Variants in PINX1 observed in about 807,000 individuals in gnomAD.
PINX1 encodes the protein PIN2 (TERF1) interacting telomerase inhibitor 1, also known as PIN2/TERF1-interacting telomerase inhibitor 1.
A neutral mutation model predicts 25.4 loss-of-function variants in PINX1; 34 were observed. The ratio of observed to expected loss-of-function variants is 1.34; its 90% CI spans 1.02 to 1.78. The LOEUF (loss-of-function observed/expected upper bound fraction) is 1.78, where lower values mean the gene tolerates loss of function less well. Among genes scored for constraint, PINX1 ranks in the 40% most tolerant of loss-of-function variants. The pLI, the probability that PINX1 is intolerant of heterozygous loss-of-function variation, is 0.00. For missense variants in PINX1, 592 were observed against 404.9 expected, an observed-to-expected ratio of 1.46 and a Z score of -3.97; for synonymous variants, 197 against 147.7, an observed-to-expected ratio of 1.33 and a Z score of -2.42.
intron 6 of PINX1, among the ~76,000 whole-genome samples, chr8:10,810,403 C>T (rs537843796): frequency 3.9e-5 from 6 of 152,306 alleles, no homozygotes; most frequent in South Asian, 4.1e-4. Flanking sequence ...CAGAGAACTC[C>T]TACCCTTCAG....
intron 6 of PINX1, among the ~76,000 whole-genome samples, chr8:10,812,242 C>T (rs755230599): frequency 6.6e-6 from 1 of 152,172 alleles, no homozygotes; most frequent in Non-Finnish European, 1.5e-5. Flanking sequence ...GTAGATAAAG[C>T]CAAAATTGCT....
chr8:10,772,370 T>C (rs547198847), intron 6 of PINX1, among the ~76,000 whole-genome samples: 2 of 152,364 alleles, frequency 1.3e-5, no homozygotes, highest in South Asian at 2.1e-4. Context: ...CGGCCGTTCG[T>C]TGGAAAGCCT....
intron 6 of PINX1, among the ~76,000 whole-genome samples, chr8:10,801,928 A>T (rs1802275694): frequency 6.6e-6 from 1 of 152,134 alleles, no homozygotes; most frequent in African/African-American, 2.4e-5. Flanking sequence ...GAAAACATGA[A>T]ATGCACAAGC....
At chr8:10,815,267 AG>A (rs1178590381) in intron 6 of PINX1, among the ~76,000 whole-genome samples, 1 of 152,230 alleles carries the variant, frequency 6.6e-6, no homozygotes, top group African/African-American at 2.4e-5. Context: ...AGACGCAAAA[AG>A]GTCAGAGAGA....
Position 10,765,551 on chromosome 8 carries a change from G to A in PINX1, c.837C>T (p.Asp279=), listed in dbSNP as rs764921091. The change falls in exon 7 of 7, where the codon GAC becomes GAT. Residue 279 remains aspartate, a synonymous_variant. Coordinates refer to ENST00000314787, the MANE Select transcript of PINX1 (RefSeq NM_017884.6). ...CCCGGCCCTCAGGCGGCTGCACATGGTCCCCTGCATCCTGAGCAGAGGCCT... is the reference window on the plus strand; with the variant it reads ...CCCGGCCCTCAGGCGGCTGCACATGATCCCCTGCATCCTGAGCAGAGGCCT... ...SSKASAQDAG[D]HVQPPEGRDF... The A allele has an allele frequency of 1.2e-6, 2 of 1,613,702 alleles. No individual in the cohort carries two copies. The highest frequency in any genetic ancestry group is 1.7e-6 in the Non-Finnish European group (2 of 1,179,878).
At chr8:10,783,558 G>A (rs1013386814) in intron 6 of PINX1, among the ~76,000 whole-genome samples, 2 of 152,184 alleles carry the variant, frequency 1.3e-5, no homozygotes, top group Admixed American at 1.3e-4. Flanking sequence ...ATCCAGCGCT[G>A]CATCACATAT....
chr8:10,766,004 C>T, intron 6 of PINX1, 88 bp from the exon 7 acceptor site: 2 of 1,308,342 alleles, frequency 1.5e-6, no homozygotes, highest in Non-Finnish European at 2.1e-6. Flanking sequence ...CCGGCGCTCA[C>T]ACCTGGCACC....
chr8:10,826,328 A>C, intron 4 of PINX1, 84 bp from the exon 5 acceptor site: 1 of 669,902 alleles, frequency 1.5e-6, no homozygotes, highest in Non-Finnish European at 2.5e-6. Context: ...TCTTGAAAGA[A>C]AATTTTAGGA....
intron 5 of PINX1, among the ~76,000 whole-genome samples, chr8:10,823,353 G>A (rs896122560): frequency 6.6e-6 from 1 of 152,140 alleles, no homozygotes; most frequent in Admixed American, 6.5e-5. Flanking sequence ...TACAGTTTAT[G>A]CAACTTTCAT....
intron 1 of PINX1, among the ~76,000 whole-genome samples, chr8:10,839,465 G>A (rs1586220714): frequency 1.3e-5 from 2 of 152,194 alleles, no homozygotes; most frequent in African/African-American, 4.8e-5. Flanking sequence ...GGGACCCGGT[G>A]TTCTGACCCA....
chr8:10,776,788 C>T (rs137992232), intron 6 of PINX1, among the ~76,000 whole-genome samples: 10 of 152,290 alleles, frequency 6.6e-5, no homozygotes, highest in Non-Finnish European at 1.5e-4. Context: ...CTGCTCCCTT[C>T]AGACTACGGC....
chr8:10,804,861 G>A (rs1013083862), intron 6 of PINX1, among the ~76,000 whole-genome samples: 4 of 151,700 alleles, frequency 2.6e-5, no homozygotes, highest in Admixed American at 6.6e-5. Flanking sequence ...CCACAACCCT[G>A]GGTATGGGTT....
chr8:10,804,279 G>T (rs1025060510), intron 6 of PINX1, among the ~76,000 whole-genome samples: 1 of 152,198 alleles, frequency 6.6e-6, no homozygotes, highest in East Asian at 1.9e-4. Flanking sequence ...CCAGAGCCTA[G>T]AACAGTACCT....
At chr8:10,776,748 C>G (rs1801409538) in intron 6 of PINX1, among the ~76,000 whole-genome samples, 1 of 152,150 alleles carries the variant, frequency 6.6e-6, no homozygotes, top group African/African-American at 2.4e-5. Context: ...TGGGATGGTG[C>G]TGCCCAGACC....
At chr8:10,811,733 C>G (rs568286845) in intron 6 of PINX1, among the ~76,000 whole-genome samples, 1 of 152,154 alleles carries the variant, frequency 6.6e-6, no homozygotes, top group Non-Finnish European at 1.5e-5. Context: ...TGCCTGGGCA[C>G]CGGGCCTCCT....
At chr8:10,814,221 T>C (rs966796178) in intron 6 of PINX1, among the ~76,000 whole-genome samples, 3 of 152,186 alleles carry the variant, frequency 2.0e-5, no homozygotes, top group African/African-American at 7.2e-5. Flanking sequence ...AAGGAAGAAC[T>C]TGGAAATTAG....
intron 1 of PINX1, 96 bp from the exon 2 acceptor site, chr8:10,834,871 G>C: frequency 2.5e-6 from 2 of 786,534 alleles, no homozygotes; most frequent in Non-Finnish European, 4.2e-6. Flanking sequence ...TTTTATGTAT[G>C]TATGTAAAAT....
intron 6 of PINX1, among the ~76,000 whole-genome samples, chr8:10,769,688 G>T (rs530388618): frequency 6.6e-6 from 1 of 152,172 alleles, no homozygotes; most frequent in Non-Finnish European, 1.5e-5. Context: ...ACATCACACA[G>T]GCAGAGAGTG....
At chr8:10,828,119 G>A (rs902258438) in intron 4 of PINX1, among the ~76,000 whole-genome samples, 2 of 152,092 alleles carry the variant, frequency 1.3e-5, no homozygotes, top group Non-Finnish European at 2.9e-5. Flanking sequence ...TCGAAAGAAC[G>A]TGAAGGCAGA....
Sources: allele counts gnomAD v4.1 joint callset (sites outside exome capture counted in the v4.1 genomes callset), GRCh38; gene constraint gnomAD v4.1.1; transcripts MANE v1.5; gene names NCBI Gene and HGNC (gene_info 2026-07-23, HGNC 2026-07-21).